The following TBC1D32 variants were observed in gnomAD, a reference collection of about 807,000 sequenced individuals.
The protein encoded by TBC1D32 is protein broad-minded.
A neutral mutation model predicts 170.3 loss-of-function variants in TBC1D32; 151 were observed. That is an observed-to-expected ratio of 0.89 (90% CI 0.78 to 1.01). TBC1D32 has a LOEUF of 1.01. TBC1D32 is among the 50% of genes least tolerant of loss of function. The pLI, the probability that TBC1D32 is intolerant of heterozygous loss-of-function variation, is 0.00. For missense variants in TBC1D32, 1,464 were observed against 1,457.1 expected (o/e 1.00, Z -0.08); for synonymous variants, 498 against 488.0 (o/e 1.02, Z -0.27).
chr6:121,170,460 C>T, intron 22 of TBC1D32: 2 of 1,608,096 alleles, frequency 1.2e-6, no homozygotes, highest in Non-Finnish European at 8.5e-7. Context: ...AGTAACATTT[C>T]AGATACCTGA....
At chr6:121,162,015 C>T (rs1218395673) in intron 22 of TBC1D32, among the ~76,000 whole-genome samples, 1 of 152,144 alleles carries the variant, frequency 6.6e-6, no homozygotes, top group Non-Finnish European at 1.5e-5. Flanking sequence ...CCTTTGCCCA[C>T]TTTTTAATGG....
At chr6:121,251,241 T>C (rs1331527319) in intron 17 of TBC1D32, among the ~76,000 whole-genome samples, 1 of 152,046 alleles carries the variant, frequency 6.6e-6, no homozygotes, top group Non-Finnish European at 1.5e-5. Flanking sequence ...AAATTTCATA[T>C]GGAACCAAAA....
Position 121,106,067 on chromosome 6 carries a change from G to GGT in TBC1D32, c.3420_3421insAC (p.Leu1141ThrfsTer22). On this transcript the variant is annotated frameshift_variant, in exon 30 of 32. Transcript: ENST00000398212. LOFTEE classifies it high-confidence loss of function. ...GACATGTGAAAAGCTGAAAACACAA[G>GGT]AGGCAACTCAGCCTTCAGTAGCATT... 6.2e-7 allele frequency: 1 copy of GGT among 1,609,050 alleles called. No homozygotes were observed. Among genetic ancestry groups the GGT allele is most frequent in the Non-Finnish European group, 8.5e-7 (1 of 1,176,536 alleles).
At chr6:121,107,907 T>C (rs548927132) in intron 29 of TBC1D32, among the ~76,000 whole-genome samples, 1 of 152,138 alleles carries the variant, frequency 6.6e-6, no homozygotes, top group South Asian at 2.1e-4. Flanking sequence ...AATAAGTTAT[T>C]GTTATGTAAT....
intron 25 of TBC1D32, among the ~76,000 whole-genome samples, chr6:121,130,302 T>C (rs1214003475): frequency 6.6e-6 from 1 of 151,964 alleles, no homozygotes; most frequent in Non-Finnish European, 1.5e-5. Context: ...GTCAACATGG[T>C]GAAACCCCGT....
intron 22 of TBC1D32, among the ~76,000 whole-genome samples, chr6:121,191,447 AT>A (rs1790017059): frequency 1.3e-5 from 2 of 152,172 alleles, no homozygotes; most frequent in African/African-American, 4.8e-5. Flanking sequence ...GAAGCTTTCA[AT>A]TTTCAATACA....
intron 15 of TBC1D32, among the ~76,000 whole-genome samples, chr6:121,267,639 C>T (rs1035628972): frequency 9.9e-5 from 15 of 152,116 alleles, no homozygotes; most frequent in Non-Finnish European, 1.6e-4. Flanking sequence ...TGGAGCCCAC[C>T]GTAGCTCAAG....
intron 30 of TBC1D32, among the ~76,000 whole-genome samples, chr6:121,099,622 A>G (rs1777788512): frequency 6.6e-6 from 1 of 151,962 alleles, no homozygotes; most frequent in East Asian, 1.9e-4. Flanking sequence ...TTTGTATCCA[A>G]ATAATTACTT....
At chr6:121,228,184 T>C (rs2128337018) in intron 20 of TBC1D32, among the ~76,000 whole-genome samples, 1 of 152,218 alleles carries the variant, frequency 6.6e-6, no homozygotes. Flanking sequence ...ATCAATCTAG[T>C]GAGGGGTTTA....
chr6:121,322,731 A>G (rs1321582734), intron 1 of TBC1D32, among the ~76,000 whole-genome samples: 1 of 152,196 alleles, frequency 6.6e-6, no homozygotes, highest in East Asian at 1.9e-4. Flanking sequence ...TATCATCTGC[A>G]ATATCTTGTA....
chr6:121,197,514 G>C (rs1029330271), intron 22 of TBC1D32, among the ~76,000 whole-genome samples: 4 of 152,094 alleles, frequency 2.6e-5, no homozygotes, highest in African/African-American at 9.7e-5. Flanking sequence ...GTATACACTT[G>C]TACTAAGACA....
At chr6:121,327,693 CA>C (rs1361690315) in intron 1 of TBC1D32, among the ~76,000 whole-genome samples, 1 of 152,156 alleles carries the variant, frequency 6.6e-6, no homozygotes, top group Non-Finnish European at 1.5e-5. Flanking sequence ...ATAGTTCCAG[CA>C]ACTGTCTTTA....
At chr6:121,151,907 G>T (rs745717095) in intron 24 of TBC1D32, among the ~76,000 whole-genome samples, 3 of 152,138 alleles carry the variant, frequency 2.0e-5, no homozygotes, top group Admixed American at 6.5e-5. Flanking sequence ...TTGTATATGA[G>T]ATGGGTCTCC....
intron 1 of TBC1D32, among the ~76,000 whole-genome samples, chr6:121,330,096 T>C (rs1388744496): frequency 1.3e-5 from 2 of 152,164 alleles, no homozygotes; most frequent in Admixed American, 1.3e-4. Context: ...TCTCGCTCTG[T>C]TACCTAGGCT....
At chr6:121,237,123 C>T (rs1796424181) in intron 20 of TBC1D32, 1 of 151,904 alleles carries the variant, frequency 6.6e-6, no homozygotes, top group African/African-American at 2.4e-5. Flanking sequence ...ATTTCTTTCA[C>T]TTTCATTATT....
chr6:121,214,896 A>G (rs1793621621), intron 21 of TBC1D32, among the ~76,000 whole-genome samples: 1 of 152,194 alleles, frequency 6.6e-6, no homozygotes, highest in Non-Finnish European at 1.5e-5. Flanking sequence ...GAGGTGCTTT[A>G]CTGAGCAACA....
intron 12 of TBC1D32, among the ~76,000 whole-genome samples, chr6:121,290,407 C>G (rs975492351): frequency 6.6e-6 from 1 of 152,096 alleles, no homozygotes; most frequent in African/African-American, 2.4e-5. Context: ...AAATGCTCAT[C>G]ATCACTGGCC....
At chr6:121,118,248 T>C (rs986905647) in intron 26 of TBC1D32, among the ~76,000 whole-genome samples, 2 of 152,142 alleles carry the variant, frequency 1.3e-5, no homozygotes, top group Non-Finnish European at 2.9e-5. Flanking sequence ...ATAGAAGAGA[T>C]AGCTCCCACT....
chr6:121,181,206 A>T (rs1274315648), intron 22 of TBC1D32, among the ~76,000 whole-genome samples: 2 of 152,064 alleles, frequency 1.3e-5, no homozygotes, highest in African/African-American at 4.8e-5. Flanking sequence ...TAAAAATATA[A>T]CTACCATATT....
Sources: gnomAD v4.1 joint callset for allele counts (sites outside exome capture counted in the v4.1 genomes callset) on GRCh38, gnomAD v4.1.1 for gene constraint, MANE v1.5 for transcripts, NCBI Gene and HGNC (gene_info 2026-07-23, HGNC 2026-07-21) for gene names.